The following HSF2BP variants were observed in gnomAD, a reference collection of about 807,000 sequenced individuals.
HSF2BP encodes heat shock transcription factor 2 binding protein.
In HSF2BP, 35 loss-of-function variants were observed where a neutral mutation model predicts 35.0. That is an observed-to-expected ratio of 1.00 (90% CI 0.76 to 1.32). The LOEUF (loss-of-function observed/expected upper bound fraction) is 1.32. Ranked by LOEUF, HSF2BP falls within the 40% of genes most tolerant of loss-of-function variation. The pLI, the probability that HSF2BP is intolerant of heterozygous loss-of-function variation, is 0.00. For missense variants in HSF2BP, 326 were observed against 321.7 expected (o/e 1.01, Z -0.10); for synonymous variants, 114 against 117.4 (o/e 0.97, Z 0.18).
chr21:43,592,903 C>A (rs2081943985), intron 7 of HSF2BP, among the ~76,000 whole-genome samples: 1 of 152,162 alleles, frequency 6.6e-6, no homozygotes. Context: ...GCTGGCAATG[C>A]AGAGTCTGAT....
chr21:43,612,400 C>G (rs1601667061), intron 7 of HSF2BP, among the ~76,000 whole-genome samples: 1 of 152,102 alleles, frequency 6.6e-6, no homozygotes, highest in Middle Eastern at 3.2e-3. Context: ...GCCTGTAATC[C>G]CAGCACTTTG....
intron 4 of HSF2BP, among the ~76,000 whole-genome samples, chr21:43,635,877 C>T (rs2082545333): frequency 2.0e-5 from 3 of 147,126 alleles, no homozygotes; most frequent in Admixed American, 6.9e-5. Flanking sequence ...TGCAGTGAGC[C>T]GAGATCGTGC....
At chr21:43,576,376 A>G (rs1055319247) in intron 8 of HSF2BP, among the ~76,000 whole-genome samples, 1 of 152,194 alleles carries the variant, frequency 6.6e-6, no homozygotes, top group African/African-American at 2.4e-5. Context: ...GAGCCTCTAC[A>G]CTACTAAGCC....
At chr21:43,612,137 A>C (rs1393327233) in intron 7 of HSF2BP, among the ~76,000 whole-genome samples, 1 of 152,238 alleles carries the variant, frequency 6.6e-6, no homozygotes, top group East Asian at 1.9e-4. Flanking sequence ...TCTGACCCAA[A>C]GGGGTTGACT....
intron 7 of HSF2BP, among the ~76,000 whole-genome samples, chr21:43,612,169 A>T (rs1601666575): frequency 6.6e-6 from 1 of 152,246 alleles, no homozygotes; most frequent in Non-Finnish European, 1.5e-5. Context: ...TATAAACACC[A>T]GCATTTCCCA....
At chr21:43,581,757 G>A (rs894433290) in intron 8 of HSF2BP, among the ~76,000 whole-genome samples, 1 of 152,114 alleles carries the variant, frequency 6.6e-6, no homozygotes, top group Admixed American at 6.5e-5. Context: ...CACTGCTGTG[G>A]CCACAGCCAT....
chr21:43,499,830 C>G, the HSF2BP span, among the ~76,000 whole-genome samples: 1 of 122,850 alleles, frequency 8.1e-6, no homozygotes, highest in African/African-American at 2.8e-5. Context: ...ACACCAAACT[C>G]ATCACAGCCA....
intron 8 of HSF2BP, among the ~76,000 whole-genome samples, chr21:43,582,230 G>A (rs2081757977): frequency 6.8e-6 from 1 of 146,628 alleles, no homozygotes; most frequent in Non-Finnish European, 1.5e-5. Flanking sequence ...GCCTGCTGTG[G>A]GGGATGAGGG....
chr21:43,633,366 T>A lies in HSF2BP; in HGVS notation c.347A>T (p.Gln116Leu), dbSNP rs760531069. The change falls in exon 5 of 9, where the codon CAG (glutamine) becomes CTG (leucine). Residue 116 changes from glutamine to leucine, a missense_variant. Transcript: ENST00000291560. Reference sequence around the variant, plus strand: ...TCCCATTTCTGTACAATACTCTGCCTGCTGCAGGAGTTGCTGCTTCGCTTC... The same window carrying A: ...TCCCATTTCTGTACAATACTCTGCCAGCTGCAGGAGTTGCTGCTTCGCTTC... ...LNEAKQQLLQ[Q>L]AEYCTEMGAA... 1 of 1,614,040 alleles carries A rather than the reference T, an allele frequency of 6.2e-7. No homozygotes were observed. The highest frequency in any genetic ancestry group is 1.1e-5 in the South Asian group (1 of 91,052).
intron 7 of HSF2BP, among the ~76,000 whole-genome samples, chr21:43,606,377 T>G (rs2082135653): frequency 6.6e-6 from 1 of 151,954 alleles, no homozygotes; most frequent in Admixed American, 6.6e-5. Flanking sequence ...TGATGCACAC[T>G]GGGGCTGGGT....
At chr21:43,642,108 G>A (rs2082644512) in intron 4 of HSF2BP, among the ~76,000 whole-genome samples, 2 of 151,770 alleles carry the variant, frequency 1.3e-5, no homozygotes, top group African/African-American at 2.4e-5. Flanking sequence ...ACCAACTTGG[G>A]CAACATAGTG....
chr21:43,590,379 G>C (rs1038293881), intron 8 of HSF2BP, among the ~76,000 whole-genome samples: 1 of 152,214 alleles, frequency 6.6e-6, no homozygotes, highest in African/African-American at 2.4e-5. Context: ...CAATGCTGCT[G>C]GGAATGTAAG....
intron 4 of HSF2BP, among the ~76,000 whole-genome samples, chr21:43,633,832 C>T (rs903017297): frequency 2.0e-5 from 3 of 152,186 alleles, no homozygotes; most frequent in African/African-American, 7.2e-5. Flanking sequence ...CTCCAAATGG[C>T]TCACTCCATT....
chr21:43,643,713 C>T (rs571076833), intron 4 of HSF2BP, among the ~76,000 whole-genome samples: 191 of 152,316 alleles, frequency 1.3e-3, no homozygotes, highest in Non-Finnish European at 2.2e-3. Flanking sequence ...AATCCCAGCC[C>T]TTTGGGAGGC....
rs2082931884 is a variant in HSF2BP, at chr21:43,659,319, A to G, written c.-225+67T>C. On this transcript the variant is annotated intron_variant, in intron 1 of 8. Coordinates refer to ENST00000291560, the MANE Select transcript of HSF2BP (RefSeq NM_007031.2). This position sits in a 1 kb window ranked among gnomAD's most constrained non-coding sequence, Gnocchi z 4.2. ...GGGAGACCCTGTCTCAAAAACAAAC[A>G]AAAAATCCTAGACCGTTTACAAACA... The G allele has an allele frequency of 6.4e-6, 1 of 155,654 alleles. No individual in the cohort carries two copies. The highest frequency in any genetic ancestry group is 1.9e-4 in the East Asian group (1 of 5,330). The allele number at this position is 155,654 out of a possible 1,614,324, so 9.6% of individuals were successfully genotyped here.
At chr21:43,646,786 G>A (rs1335576895) in intron 3 of HSF2BP, among the ~76,000 whole-genome samples, 2 of 152,162 alleles carry the variant, frequency 1.3e-5, no homozygotes, top group South Asian at 2.1e-4. Context: ...ACCCATCTAC[G>A]CCAGGCTCCT....
intron 4 of HSF2BP, 32 bp from the exon 5 acceptor site, chr21:43,633,453 A>G (rs1463008307): frequency 6.4e-7 from 1 of 1,569,040 alleles, no homozygotes; most frequent in Non-Finnish European, 8.7e-7. Context: ...AAAATAAATA[A>G]TAGCATTCAA....
At chr21:43,595,126 G>A (rs2081969229) in intron 7 of HSF2BP, among the ~76,000 whole-genome samples, 1 of 152,140 alleles carries the variant, frequency 6.6e-6, no homozygotes, top group Admixed American at 6.5e-5. Context: ...GCCACATGTG[G>A]TGATGTGTAC....
At chr21:43,596,202 T>A (rs1225460419) in intron 7 of HSF2BP, among the ~76,000 whole-genome samples, 1 of 152,158 alleles carries the variant, frequency 6.6e-6, no homozygotes, top group Non-Finnish European at 1.5e-5. Flanking sequence ...CTTAATACAT[T>A]AAGCTGATTC....
Sources: gnomAD v4.1 joint callset for allele counts (sites outside exome capture counted in the v4.1 genomes callset) on GRCh38, gnomAD v4.1.1 for gene constraint, Gnocchi (gnomAD v3.1) non-coding constraint, MANE v1.5 for transcripts, NCBI Gene and HGNC (gene_info 2026-07-23, HGNC 2026-07-21) for gene names.